Variants in CELF6 observed in about 807,000 individuals in gnomAD.
CELF6 encodes the protein CUGBP Elav-like family member 6.
CELF6 carries 32 observed loss-of-function variants against 53.1 expected under a neutral mutation model. That is an observed-to-expected ratio of 0.60 (90% CI 0.46 to 0.81). The LOEUF (loss-of-function observed/expected upper bound fraction) is 0.81, where lower values mean the gene tolerates loss of function less well. Ranked by LOEUF, CELF6 falls within the 30% of genes least tolerant of loss-of-function variation. The probability of loss-of-function intolerance (pLI) is 0.00; values close to 1 mark genes in which losing one functional copy is unlikely to be tolerated. For missense variants in CELF6, 539 were observed against 669.5 expected (o/e 0.81, Z 2.15); for synonymous variants, 291 against 288.8 (o/e 1.01, Z -0.08).
rs910990475 is a variant in CELF6 at position 72,319,695 on chromosome 15, C to G, written c.180G>C (p.Gln60His). 6.3e-6 allele frequency: 10 copies of G among 1,592,752 alleles called. No individual in the cohort carries two copies. The highest frequency in any genetic ancestry group is 1.7e-4 in the Middle Eastern group (1 of 6,040). ...VGQIPRGLDE[Q>H]DLKPLFEEFG... ...ACTCCTCGAACAGCGGCTTGAGGTC[C>G]TGCTCGTCCAAGCCCCGCGGGATCT... Residue 60 changes from glutamine to histidine, a missense_variant, in exon 1 of 13, where the codon CAG becomes CAC. Around this residue, in one of 3 missense-constraint regions of CELF6, gnomAD observed 97 missense variants for 168.8 expected, o/e 0.57. Transcript: ENST00000287202. This position sits in a 1 kb window ranked among gnomAD's most constrained non-coding sequence, Gnocchi z 5.0.
At chr15:72,312,464 T>C (rs1331679852) in intron 2 of CELF6, among the ~76,000 whole-genome samples, 1 of 152,020 alleles carries the variant, frequency 6.6e-6, no homozygotes, top group Non-Finnish European at 1.5e-5. Context: ...CTGTCTCTAC[T>C]AAAAATACAA....
At chr15:72,310,043 CA>C (rs1207831441) in intron 2 of CELF6, among the ~76,000 whole-genome samples, 1 of 152,168 alleles carries the variant, frequency 6.6e-6, no homozygotes, top group Non-Finnish European at 1.5e-5. Flanking sequence ...GAAGGGAGAG[CA>C]AAACCCTACC....
At chr15:72,291,955 T>C (rs965856355) in intron 3 of CELF6, among the ~76,000 whole-genome samples, 1 of 152,166 alleles carries the variant, frequency 6.6e-6, no homozygotes, top group African/African-American at 2.4e-5. Context: ...TGGGTGTACT[T>C]TGCTTCTGGG....
At position 72,289,238 on chromosome 15, in the gene CELF6, C is replaced by T. The variant is rs1048414809; in HGVS notation, c.930G>A (p.Pro310=). ...GSGPGTLPGL[P]APIGVNGFGP... ...CGAATCCATTGACCCCGATGGGCGC[C>T]GGAAGACCTGGGAGGGTGCCAGGGC... Residue 310 remains proline, a synonymous_variant, in exon 8 of 13, where the codon CCG becomes CCA. Transcript: ENST00000287202. The surrounding 1 kb of genome is among the most constrained non-coding windows in gnomAD (Gnocchi z 7.6). The T allele has an allele frequency of 2.5e-6, 4 of 1,579,020 alleles. No homozygotes were observed. The highest frequency in any genetic ancestry group is 2.3e-5 in the East Asian group (1 of 43,934).
chr15:72,287,067 G>T (rs2087931800), intron 12 of CELF6, among the ~76,000 whole-genome samples, 170 bp downstream of exon 12: 1 of 152,202 alleles, frequency 6.6e-6, no homozygotes, highest in Non-Finnish European at 1.5e-5. Context: ...TCCTTGGATT[G>T]AAGGAAAAGC....
intron 2 of CELF6, among the ~76,000 whole-genome samples, chr15:72,309,809 C>T (rs2088273689): frequency 6.6e-6 from 1 of 152,226 alleles, no homozygotes; most frequent in South Asian, 2.1e-4. Context: ...AGGCCAAAAA[C>T]TTGTCCTGGG....
Position 72,289,233 on chromosome 15 carries a change from G to T in CELF6, c.935C>A (p.Pro312His). 6.3e-7 allele frequency: 1 copy of T among 1,576,540 alleles called. No homozygotes were observed. Among genetic ancestry groups the T allele is most frequent in the Non-Finnish European group, 8.6e-7 (1 of 1,167,346 alleles). The change falls in exon 8 of 13, where the codon CCC becomes CAC. Residue 312 changes from proline to histidine, a missense_variant. Coordinates refer to ENST00000287202, the MANE Select transcript of CELF6 (RefSeq NM_052840.5). The surrounding 1 kb of genome is among the most constrained non-coding windows in gnomAD (Gnocchi z 7.6). ...AGGGCCGAATCCATTGACCCCGATG[G>T]GCGCCGGAAGACCTGGGAGGGTGCC... ...GPGTLPGLPA[P>H]IGVNGFGPLT... is the part of the protein sequence containing the mutation.
chr15:72,313,511 AT>A (rs201084759), intron 2 of CELF6, among the ~76,000 whole-genome samples: 118 of 152,152 alleles, frequency 7.8e-4, no homozygotes, highest in African/African-American at 2.7e-3. Context: ...GTTTATCTTA[AT>A]TTTTTTGGGG....
At chr15:72,317,185 G>T (rs2088373956) in intron 1 of CELF6, among the ~76,000 whole-genome samples, 1 of 152,106 alleles carries the variant, frequency 6.6e-6, no homozygotes, top group African/African-American at 2.4e-5. Flanking sequence ...TTTTTCCTAA[G>T]AGCAATAGAG....
chr15:72,293,611 T>C (rs2088035959), intron 3 of CELF6, among the ~76,000 whole-genome samples: 1 of 152,054 alleles, frequency 6.6e-6, no homozygotes, highest in African/African-American at 2.4e-5. Context: ...AGTTGAGACA[T>C]AGTTGGAATG....
At chr15:72,318,295 C>T (rs1276305892) in intron 1 of CELF6, among the ~76,000 whole-genome samples, 1 of 152,140 alleles carries the variant, frequency 6.6e-6, no homozygotes, top group African/African-American at 2.4e-5. Flanking sequence ...GAAGTGCCTA[C>T]ATTAGTGTGC....
At chr15:72,306,699 C>G (rs767387237) in intron 2 of CELF6, among the ~76,000 whole-genome samples, 7 of 151,700 alleles carry the variant, frequency 4.6e-5, no homozygotes, top group Non-Finnish European at 7.4e-5. Context: ...GAGACACCAA[C>G]AGGACTCAGG....
intron 3 of CELF6, among the ~76,000 whole-genome samples, chr15:72,298,590 G>A (rs1344566842): frequency 6.6e-6 from 1 of 152,218 alleles, no homozygotes; most frequent in Non-Finnish European, 1.5e-5. Context: ...ACACAGCCAA[G>A]TTGAGAAGTG....
At chr15:72,305,732 T>C (rs953184944) in intron 2 of CELF6, among the ~76,000 whole-genome samples, 8 of 152,182 alleles carry the variant, frequency 5.3e-5, no homozygotes, top group Non-Finnish European at 8.8e-5. Flanking sequence ...CTTAGAGCTC[T>C]GTGTCTCCAG....
At position 72,319,904 on chromosome 15, in the gene CELF6, C is replaced by T; in HGVS notation, c.-30G>A. ...CCGCCCTGTCAGCCCTCCCGCCGGTCCCACTGGTCCCGCCTGTCCCGCCGT... is the reference window on the plus strand; with the variant it reads ...CCGCCCTGTCAGCCCTCCCGCCGGTTCCACTGGTCCCGCCTGTCCCGCCGT... On this transcript the variant is annotated 5_prime_UTR_variant, in exon 1 of 13. Transcript: ENST00000287202. The surrounding 1 kb of genome is among the most constrained non-coding windows in gnomAD (Gnocchi z 5.0). 7.0e-7 allele frequency: 1 copy of T among 1,438,370 alleles called. No homozygotes were observed. Among genetic ancestry groups the T allele is most frequent in the South Asian group, 1.5e-5 (1 of 67,960 alleles). 89.1% of individuals were successfully genotyped at this position (1,438,370 alleles called of 1,614,324 possible).
At chr15:72,301,527 A>T (rs1465838176) in intron 3 of CELF6, among the ~76,000 whole-genome samples, 1 of 152,184 alleles carries the variant, frequency 6.6e-6, no homozygotes, top group East Asian at 1.9e-4. Flanking sequence ...CCAATGGTAA[A>T]CTAAGGGATT....
At chr15:72,305,960 C>T (rs1277273826) in intron 2 of CELF6, among the ~76,000 whole-genome samples, 1 of 151,764 alleles carries the variant, frequency 6.6e-6, no homozygotes, top group Non-Finnish European at 1.5e-5. Context: ...CCACCAACTT[C>T]ATCTTTTAAT....
In CELF6 at chr15:72,288,794, A is replaced by T; in HGVS notation, c.1093+74T>A. Reference sequence around the variant, plus strand: ...GATCAACTCCTTGGAACAGAGCCTAAATCCCCCACAACTCTCCCTATTTCT... The same window carrying T: ...GATCAACTCCTTGGAACAGAGCCTATATCCCCCACAACTCTCCCTATTTCT... On this transcript the variant is annotated intron_variant, in intron 9 of 12. Transcript: ENST00000287202. The surrounding 1 kb of genome is among the most constrained non-coding windows in gnomAD (Gnocchi z 4.6). 1 of 1,440,168 alleles carries T rather than the reference A, an allele frequency of 6.9e-7. No homozygotes were observed. The highest frequency in any genetic ancestry group is 9.6e-7 in the Non-Finnish European group (1 of 1,045,944). The allele number at this position is 1,440,168 out of a possible 1,614,324, so 89.2% of individuals were successfully genotyped here.
chr15:72,287,344 G>A lies in CELF6; in HGVS notation c.1367C>T (p.Ala456Val), dbSNP rs199625679. The change falls in exon 12 of 13, where the codon GCG becomes GTG. Residue 456 changes from alanine to valine, a missense_variant. By Grantham distance (64) the Ala-to-Val change is moderately conservative. Coordinates refer to ENST00000287202, the MANE Select transcript of CELF6 (RefSeq NM_052840.5). ...CATGCCAATTTGAAAGCCATTCATC[G>A]CCTGAATAGCAGTCTGGGCACTAGT... ...NPTSAQTAIQAMNGFQIGMKR... is the reference protein window; with the variant it reads ...NPTSAQTAIQVMNGFQIGMKR... 2.1e-4 allele frequency: 334 copies of A among 1,614,048 alleles called. No homozygotes were observed. The highest frequency in any genetic ancestry group is 1.6e-4 in the Middle Eastern group (1 of 6,062).
Sources: allele counts gnomAD v4.1 joint callset (sites outside exome capture counted in the v4.1 genomes callset), GRCh38; gene constraint gnomAD v4.1.1; regional missense constraint gnomAD v4.1.1; non-coding constraint Gnocchi (gnomAD v3.1); transcripts MANE v1.5; gene names NCBI Gene and HGNC (gene_info 2026-07-23, HGNC 2026-07-21).